Variants in HOMER2 observed in about 807,000 individuals in gnomAD.
HOMER2 encodes homer scaffold protein 2.
Under a neutral mutation model 47.0 loss-of-function variants are expected in HOMER2, and 27 were observed. The observed-to-expected ratio is 0.57, with a 90% CI of 0.42 to 0.79. The LOEUF (loss-of-function observed/expected upper bound fraction) is 0.79. HOMER2 is among the 30% of genes least tolerant of loss of function. The probability of loss-of-function intolerance (pLI) is 0.00; values close to 1 mark genes in which losing one functional copy is unlikely to be tolerated. For missense variants in HOMER2, 443 were observed against 435.0 expected (o/e 1.02, Z -0.16); for synonymous variants, 161 against 163.8 (o/e 0.98, Z 0.13).
At chr15:82,932,326 C>T (rs2054032681) in intron 1 of HOMER2, among the ~76,000 whole-genome samples, 1 of 152,140 alleles carries the variant, frequency 6.6e-6, no homozygotes, top group Non-Finnish European at 1.5e-5. Flanking sequence ...AAAACCCTGT[C>T]TCTGCTAAAA....
intron 8 of HOMER2, 127 bp from the exon 9 acceptor site, chr15:82,850,030 A>G (rs969761433): frequency 8.0e-6 from 7 of 878,454 alleles, no homozygotes; most frequent in Non-Finnish European, 1.2e-5. Flanking sequence ...TAAGCTGCCT[A>G]GAGACATGCT....
At chr15:82,868,711 C>T (rs560311848) in intron 3 of HOMER2, among the ~76,000 whole-genome samples, 2 of 150,204 alleles carry the variant, frequency 1.3e-5, no homozygotes, top group South Asian at 4.3e-4. Context: ...GCCACCACGC[C>T]CGGCTAATTT....
chr15:82,877,230 C>A (rs2052380055), intron 2 of HOMER2, among the ~76,000 whole-genome samples: 2 of 152,100 alleles, frequency 1.3e-5, no homozygotes, highest in Admixed American at 1.3e-4. Context: ...AGTACAATGG[C>A]ATGATCAAGG....
intron 1 of HOMER2, among the ~76,000 whole-genome samples, chr15:82,901,245 G>C (rs2053106072): frequency 6.6e-6 from 1 of 152,168 alleles, no homozygotes; most frequent in African/African-American, 2.4e-5. Flanking sequence ...ACAGCCAGGA[G>C]GGAGACAGGC....
chr15:82,916,481 G>C (rs1223184631), intron 1 of HOMER2, among the ~76,000 whole-genome samples: 1 of 152,138 alleles, frequency 6.6e-6, no homozygotes, highest in Non-Finnish European at 1.5e-5. Flanking sequence ...ACAGGATTGA[G>C]AATAGGTCTA....
chr15:82,984,610 G>C (rs2030524666), intron 1 of HOMER2, among the ~76,000 whole-genome samples: 1 of 152,158 alleles, frequency 6.6e-6, no homozygotes, highest in Non-Finnish European at 1.5e-5. Flanking sequence ...CTTGAGCCCA[G>C]AGTTCGAGAC....
chr15:82,849,769 A>T lies in HOMER2; in HGVS notation c.978T>A (p.Ile326=). Residue 326 remains isoleucine, a synonymous_variant, in exon 9 of 9, where the codon ATT becomes ATA. Transcript: ENST00000450735. ...KSFLEVLDGK[I]DDLHDFRRGL... Reference sequence around the variant, plus strand: ...CTCGGCGGAAGTCATGCAGGTCGTCAATCTTCCCGTCCAGCACCTCCAGGA... The same window carrying T: ...CTCGGCGGAAGTCATGCAGGTCGTCTATCTTCCCGTCCAGCACCTCCAGGA... The T allele has an allele frequency of 1.2e-6, 2 of 1,613,892 alleles. No homozygotes were observed. Among genetic ancestry groups the T allele is most frequent in the South Asian group, 1.1e-5 (1 of 91,074 alleles).
At chr15:82,974,277 G>A (rs1567080023) in intron 1 of HOMER2, among the ~76,000 whole-genome samples, 1 of 149,824 alleles carries the variant, frequency 6.7e-6, no homozygotes, top group Non-Finnish European at 1.5e-5. Flanking sequence ...GGTGGCACGT[G>A]TCTGTAGTCC....
chr15:82,940,080 G>C (rs1596372160), intron 1 of HOMER2, among the ~76,000 whole-genome samples: 1 of 152,170 alleles, frequency 6.6e-6, no homozygotes, highest in African/African-American at 2.4e-5. Flanking sequence ...GGTCGGGGGA[G>C]TGGGGAGGGA....
intron 3 of HOMER2, among the ~76,000 whole-genome samples, chr15:82,873,065 C>T (rs1377981898): frequency 6.6e-6 from 1 of 152,164 alleles, no homozygotes; most frequent in African/African-American, 2.4e-5. Flanking sequence ...GCTCAAAAGA[C>T]TTAAGGACAC....
chr15:82,901,001 G>C (rs2053097051), intron 1 of HOMER2, among the ~76,000 whole-genome samples: 1 of 152,184 alleles, frequency 6.6e-6, no homozygotes, highest in Non-Finnish European at 1.5e-5. Flanking sequence ...ATGCTGACAG[G>C]CTTTATTAAT....
intron 1 of HOMER2, among the ~76,000 whole-genome samples, chr15:82,948,814 C>T (rs1019473331): frequency 6.6e-6 from 1 of 152,226 alleles, no homozygotes; most frequent in South Asian, 2.1e-4. Flanking sequence ...CTGCGCCCAG[C>T]GCCTGGTCAG....
intron 1 of HOMER2, among the ~76,000 whole-genome samples, chr15:82,918,897 T>A (rs1189574436): frequency 6.6e-6 from 1 of 152,182 alleles, no homozygotes; most frequent in Non-Finnish European, 1.5e-5. Flanking sequence ...GTGTCAATCA[T>A]GAAAGACACG....
chr15:82,872,110 C>T (rs746951964), intron 3 of HOMER2, among the ~76,000 whole-genome samples: 2 of 152,086 alleles, frequency 1.3e-5, no homozygotes, highest in African/African-American at 4.8e-5. Context: ...AGGGGCCACT[C>T]GGCTGAGGGG....
intron 2 of HOMER2, 30 bp downstream of exon 2, chr15:82,892,655 G>GA: frequency 6.9e-7 from 1 of 1,456,138 alleles, no homozygotes; most frequent in Non-Finnish European, 9.2e-7. Flanking sequence ...AAGCAACTGG[G>GA]AGTATTAAAA....
intron 1 of HOMER2, among the ~76,000 whole-genome samples, chr15:82,979,801 A>C (rs2030329651): frequency 6.6e-6 from 1 of 152,130 alleles, no homozygotes; most frequent in African/African-American, 2.4e-5. Context: ...CAGGTTCAGG[A>C]AGAAAGATGA....
At chr15:82,930,953 G>A (rs1394203845) in intron 1 of HOMER2, among the ~76,000 whole-genome samples, 1 of 152,156 alleles carries the variant, frequency 6.6e-6, no homozygotes, top group African/African-American at 2.4e-5. Context: ...CTTGAACCCG[G>A]GAGGCGGAGG....
chr15:82,948,804 C>G (rs1196531290), intron 1 of HOMER2, among the ~76,000 whole-genome samples: 3 of 152,242 alleles, frequency 2.0e-5, no homozygotes, highest in African/African-American at 7.2e-5. Context: ...GCAGGGGGAG[C>G]TGCGCCCAGC....
chr15:82,872,664 T>C (rs1441122855), intron 3 of HOMER2, among the ~76,000 whole-genome samples: 1 of 152,104 alleles, frequency 6.6e-6, no homozygotes, highest in Non-Finnish European at 1.5e-5. Context: ...TCTCCACAGC[T>C]TCCCTCACAC....
Sources: allele counts gnomAD v4.1 joint callset (sites outside exome capture counted in the v4.1 genomes callset), GRCh38; gene constraint gnomAD v4.1.1; transcripts MANE v1.5; gene names NCBI Gene and HGNC (gene_info 2026-07-23, HGNC 2026-07-21).